KSR2: variants seen among roughly 807,000 people sequenced by gnomAD.
KSR2 encodes kinase suppressor of ras 2.
A neutral mutation model predicts 107.8 loss-of-function variants in KSR2; 25 were observed. The ratio of observed to expected loss-of-function variants is 0.23; its 90% CI spans 0.17 to 0.32. KSR2 has a LOEUF of 0.32. Ranked by LOEUF, KSR2 falls within the 10% of genes least tolerant of loss-of-function variation. The probability of loss-of-function intolerance (pLI) is 1.00; values close to 1 mark genes in which losing one functional copy is unlikely to be tolerated. For synonymous variants in KSR2, 480 were observed against 507.0 expected, an observed-to-expected ratio of 0.95 and a Z score of 0.71; for missense variants, 887 against 1,268.9, an observed-to-expected ratio of 0.70 and a Z score of 4.57.
intron 3 of KSR2, among the ~76,000 whole-genome samples, chr12:117,797,061 A>G (rs555112809): frequency 4.1e-4 from 63 of 152,328 alleles, no homozygotes; most frequent in African/African-American, 1.5e-3. Context: ...AGAGATCATC[A>G]CACAAAGACT....
Position 117,463,406 on chromosome 12 carries a change from G to A in KSR2, c.*3793C>T, listed in dbSNP as rs560121683. ...ATCCAATCCTCTCTATCAAAGGCTA[G>A]CAAAGTTAGGAAAGGGCCAGATTGT... On this transcript the variant is annotated 3_prime_UTR_variant, in exon 20 of 20. Transcript: ENST00000339824. The A allele has an allele frequency of 1.3e-5, 2 of 152,328 alleles. No individual in the cohort carries two copies. Among genetic ancestry groups the A allele is most frequent in the African/African-American group, 4.8e-5 (2 of 41,572 alleles). 9.4% of individuals were successfully genotyped at this position (152,328 alleles called of 1,614,324 possible).
At chr12:117,722,560 G>A (rs1226005274) in intron 4 of KSR2, among the ~76,000 whole-genome samples, 2 of 152,180 alleles carry the variant, frequency 1.3e-5, no homozygotes, top group Non-Finnish European at 2.9e-5. Context: ...CACCAGCATC[G>A]TGACAGTTTA....
chr12:117,496,052 C>CAAAA (rs33974181), intron 14 of KSR2, among the ~76,000 whole-genome samples: 1 of 113,226 alleles, frequency 8.8e-6, no homozygotes, highest in African/African-American at 3.3e-5. Context: ...GACTCCGTCT[C>CAAAA]AAAAAAAAAA....
At chr12:117,467,253 T>A in intron 19 of KSR2, 48 bp from the exon 20 acceptor site, 1 of 698,238 alleles carries the variant, frequency 1.4e-6, no homozygotes, top group Non-Finnish European at 2.6e-6. Context: ...CACAAGGACA[T>A]GATGATGTCA....
rs572311721 is a variant in KSR2, at chr12:117,591,607, C to T, written c.1172-9248G>A. On this transcript the variant is annotated intron_variant, in intron 5 of 19. Coordinates refer to ENST00000339824, the MANE Select transcript of KSR2 (RefSeq NM_173598.6). ...AAGCAGATGAAGGGCTGGTATGTGG[C>T]GGCTAGAGGTAGGACATTGGAGAGG... 3.3e-5 allele frequency among the ~76,000 whole-genome samples: 5 copies of T among 151,784 alleles called. No homozygotes were observed. The South Asian group carries it at 8.3e-4, about 25-fold the overall frequency.
At position 117,694,989 on chromosome 12, in the gene KSR2, G is replaced by A. The variant is rs369563270; in HGVS notation, c.987-27331C>T. The stretch of plus-strand genomic sequence containing the variant: ...CCTCAGCCTCCCGAGTAGCTGGGAC[G>A]ACAGGTGCACGCCACCACACCCAGC... On this transcript the variant is annotated intron_variant, in intron 4 of 19. Transcript: ENST00000339824. Among the ~76,000 whole-genome samples, 21 of 151,602 alleles carry A rather than the reference G, an allele frequency of 1.4e-4. No homozygotes were observed. The East Asian group carries it at 2.3e-3, about 17-fold the overall frequency.
At chr12:117,711,785 T>C (rs1230854994) in intron 4 of KSR2, among the ~76,000 whole-genome samples, 1 of 152,224 alleles carries the variant, frequency 6.6e-6, no homozygotes, top group Non-Finnish European at 1.5e-5. Context: ...GAGATGCCCT[T>C]AGCTCTCTGC....
intron 1 of KSR2, among the ~76,000 whole-genome samples, chr12:117,900,998 G>C (rs1037302320): frequency 6.6e-6 from 1 of 152,236 alleles, no homozygotes; most frequent in East Asian, 1.9e-4. Flanking sequence ...CAGAGAACCT[G>C]GTGGCATAAT....
chr12:117,548,920 A>G (rs1218687665), intron 9 of KSR2, among the ~76,000 whole-genome samples: 1 of 152,190 alleles, frequency 6.6e-6, no homozygotes, highest in African/African-American at 2.4e-5. Context: ...TTTCCCTGGA[A>G]TAACAGATCT....
At chr12:117,877,002 G>A (rs1442090727) in intron 1 of KSR2, among the ~76,000 whole-genome samples, 1 of 152,066 alleles carries the variant, frequency 6.6e-6, no homozygotes, top group Non-Finnish European at 1.5e-5. Flanking sequence ...AGTATTTTTA[G>A]TGTGTTGCAT....
At chr12:117,546,793 A>C (rs1326711262) in intron 9 of KSR2, among the ~76,000 whole-genome samples, 1 of 152,040 alleles carries the variant, frequency 6.6e-6, no homozygotes, top group African/African-American at 2.4e-5. Flanking sequence ...TGTATTTTCT[A>C]ATTGTATGTT....
At chr12:117,669,033 A>G (rs1884790741) in intron 4 of KSR2, among the ~76,000 whole-genome samples, 1 of 152,200 alleles carries the variant, frequency 6.6e-6, no homozygotes, top group Admixed American at 6.5e-5. Context: ...GATTCATTCA[A>G]GAGAAGAGAA....
At chr12:117,513,087 C>T (rs1592943079) in intron 14 of KSR2, among the ~76,000 whole-genome samples, 2 of 152,190 alleles carry the variant, frequency 1.3e-5, no homozygotes, top group East Asian at 3.9e-4. Flanking sequence ...GATACTGAGT[C>T]ATTCTGTCTG....
chr12:117,934,001 C>T (rs1199562198), intron 1 of KSR2, among the ~76,000 whole-genome samples: 1 of 152,136 alleles, frequency 6.6e-6, no homozygotes, highest in Non-Finnish European at 1.5e-5. Context: ...TAAATCCAGC[C>T]GACGTTGCAA....
chr12:117,480,944 C>G lies in KSR2; in HGVS notation c.2450+3472G>C, dbSNP rs116341757. Among the ~76,000 whole-genome samples the G allele has an allele frequency of 3.0e-3, 449 of 152,152 alleles. 2 individuals carry two copies. The highest frequency in any genetic ancestry group is 0.01 in the African/African-American group (421 of 41,490). On this transcript the variant is annotated intron_variant, in intron 16 of 19. Transcript: ENST00000339824. ...GGGCATGGTGGTGCATGCCTGTAAGCCTGGGACCTTGAAAGGCTGAGGTAG... is the reference window on the plus strand; with the variant it reads ...GGGCATGGTGGTGCATGCCTGTAAGGCTGGGACCTTGAAAGGCTGAGGTAG...
chr12:117,932,533 C>T (rs1209629738), intron 1 of KSR2, among the ~76,000 whole-genome samples: 1 of 151,878 alleles, frequency 6.6e-6, no homozygotes, highest in South Asian at 2.1e-4. Context: ...CTGGGCAATA[C>T]AGCAAAACCC....
chr12:117,524,786 C>A, intron 14 of KSR2, 66 bp downstream of exon 14: 1 of 1,529,572 alleles, frequency 6.5e-7, no homozygotes, highest in Non-Finnish European at 8.8e-7. Context: ...AGCAGAAAAC[C>A]ATTTCTCAAC....
chr12:117,654,456 G>A (rs923969840), intron 5 of KSR2, among the ~76,000 whole-genome samples: 8 of 152,112 alleles, frequency 5.3e-5, no homozygotes, highest in African/African-American at 1.7e-4. Flanking sequence ...CACAATACGC[G>A]GGCACCACCC....
intron 3 of KSR2, among the ~76,000 whole-genome samples, chr12:117,765,493 T>C (rs530707885): frequency 9.3e-4 from 141 of 152,328 alleles, no homozygotes; most frequent in Non-Finnish European, 1.4e-3. Context: ...TATGGCTTTG[T>C]TGGAGGGTGC....
Sources: gnomAD v4.1 joint callset for allele counts (sites outside exome capture counted in the v4.1 genomes callset) on GRCh38, gnomAD v4.1.1 for gene constraint, MANE v1.5 for transcripts, NCBI Gene and HGNC (gene_info 2026-07-23, HGNC 2026-07-21) for gene names.